The following DAB1 variants were observed in gnomAD, a reference collection of about 807,000 sequenced individuals.
DAB1 encodes the protein DAB adaptor protein 1, also known as disabled homolog 1.
DAB1 carries 15 observed loss-of-function variants against 64.6 expected under a neutral mutation model. The ratio of observed to expected loss-of-function variants is 0.23; its 90% CI spans 0.16 to 0.36. The LOEUF (loss-of-function observed/expected upper bound fraction) is 0.36. DAB1 is among the 10% of genes least tolerant of loss of function. The pLI is 1.00. For missense variants in DAB1, 596 were observed against 706.7 expected, an observed-to-expected ratio of 0.84 and a Z score of 1.78; for synonymous variants, 235 against 251.9, an observed-to-expected ratio of 0.93 and a Z score of 0.64.
intron 3 of DAB1, among the ~76,000 whole-genome samples, chr1:58,450,306 A>C (rs1645118320): frequency 6.6e-6 from 1 of 152,200 alleles, no homozygotes; most frequent in Non-Finnish European, 1.5e-5. Context: ...AGGTGACCTG[A>C]AATCTAGAAC....
At chr1:57,766,870 C>T (rs1649337318) in intron 6 of DAB1, among the ~76,000 whole-genome samples, 1 of 141,444 alleles carries the variant, frequency 7.1e-6, no homozygotes, top group Non-Finnish European at 1.6e-5. Context: ...TTTTCAGGTT[C>T]AATAATTTGC....
intron 2 of DAB1, among the ~76,000 whole-genome samples, chr1:57,283,907 C>T (rs1672110009): frequency 6.6e-6 from 1 of 152,176 alleles, no homozygotes; most frequent in Non-Finnish European, 1.5e-5. Flanking sequence ...CTGTGGCCTG[C>T]CACCAAACAT....
intron 2 of DAB1, among the ~76,000 whole-genome samples, chr1:57,159,777 T>C (rs1215717616): frequency 6.9e-6 from 1 of 145,808 alleles, no homozygotes; most frequent in Non-Finnish European, 1.5e-5. Flanking sequence ...CTCCCAGCAA[T>C]TTTTCCAGAC....
At chr1:58,105,692 A>T (rs962020970) in intron 5 of DAB1, among the ~76,000 whole-genome samples, 2 of 152,336 alleles carry the variant, frequency 1.3e-5, no homozygotes, top group Admixed American at 6.5e-5. Flanking sequence ...GTGTTTCATC[A>T]AATGCTGACT....
intron 3 of DAB1, among the ~76,000 whole-genome samples, chr1:58,358,968 A>ACACACACACG (rs1644138312): frequency 6.8e-6 from 1 of 147,426 alleles, no homozygotes; most frequent in Non-Finnish European, 1.5e-5. Context: ...ACACACACAC[A>ACACACACACG]CACACACACT....
At chr1:57,941,698 G>C (rs1277129128) in intron 5 of DAB1, among the ~76,000 whole-genome samples, 1 of 152,124 alleles carries the variant, frequency 6.6e-6, no homozygotes, top group Non-Finnish European at 1.5e-5. Context: ...AGCCAGGCTT[G>C]GTGGTGGGTG....
intron 1 of DAB1, among the ~76,000 whole-genome samples, chr1:57,859,109 C>A (rs568137324): frequency 6.6e-6 from 1 of 152,130 alleles, no homozygotes; most frequent in Non-Finnish European, 1.5e-5. Flanking sequence ...CCCTAAGCAG[C>A]CGAGATGGCT....
chr1:57,277,690 A>T (rs1671575426), intron 2 of DAB1, among the ~76,000 whole-genome samples: 1 of 152,172 alleles, frequency 6.6e-6, no homozygotes, highest in Admixed American at 6.5e-5. Context: ...CATTTTCCCA[A>T]TGATAGGGGT....
chr1:58,435,386 G>GT lies in DAB1; in HGVS notation n.257+70673dup, dbSNP rs201830691. Among the ~76,000 whole-genome samples, 953 of 152,114 alleles carry GT rather than the reference G, an allele frequency of 6.3e-3. 12 individuals carry two copies. Among genetic ancestry groups the GT allele is most frequent in the African/African-American group, 0.022 (892 of 41,482 alleles). The stretch of plus-strand genomic sequence containing the variant: ...TACTCTATATGCTTTCCATGACCTT[G>GT]TTTTTCCCCCATGGTCGTAGCTACC... On this transcript the variant is annotated intron_variant and non_coding_transcript_variant, in intron 3 of 20. Transcript: ENST00000485760.
chr1:57,877,132 G>A (rs1644060471), intron 1 of DAB1, among the ~76,000 whole-genome samples: 1 of 152,088 alleles, frequency 6.6e-6, no homozygotes, highest in Non-Finnish European at 1.5e-5. Context: ...TATAAGGAAG[G>A]TATTATTTCT....
chr1:57,522,713 A>T (rs1644543150), intron 7 of DAB1, among the ~76,000 whole-genome samples: 1 of 152,200 alleles, frequency 6.6e-6, no homozygotes, highest in South Asian at 2.1e-4. Context: ...AGCTGTTGCC[A>T]AAGGAGATTA....
chr1:57,269,185 T>TC (rs1558058502), intron 2 of DAB1, among the ~76,000 whole-genome samples: 1 of 152,006 alleles, frequency 6.6e-6, no homozygotes, highest in East Asian at 1.9e-4. Flanking sequence ...CACCAGCACC[T>TC]CCCATTTGTT....
chr1:57,274,910 C>A, intron 2 of DAB1, among the ~76,000 whole-genome samples: 1 of 133,662 alleles, frequency 7.5e-6, no homozygotes. Context: ...TTAATCTAAG[C>A]CATGGGCTTA....
intron 3 of DAB1, among the ~76,000 whole-genome samples, chr1:58,391,019 G>A (rs1467589409): frequency 6.6e-6 from 1 of 152,126 alleles, no homozygotes; most frequent in African/African-American, 2.4e-5. Flanking sequence ...GTAGGCAATC[G>A]CGGTCCCATC....
intron 3 of DAB1, among the ~76,000 whole-genome samples, chr1:58,472,287 C>T (rs951670955): frequency 6.6e-6 from 1 of 152,218 alleles, no homozygotes; most frequent in African/African-American, 2.4e-5. Flanking sequence ...GACTGTTAGC[C>T]TCAGTCCTGA....
chr1:57,198,649 T>TCTCTCTCTCA (rs1477522407), intron 2 of DAB1, among the ~76,000 whole-genome samples: 3 of 128,264 alleles, frequency 2.3e-5, no homozygotes, highest in Admixed American at 8.1e-5. Flanking sequence ...CTTCTCTCTC[T>TCTCTCTCTCA]CACACACACA....
intron 7 of DAB1, among the ~76,000 whole-genome samples, chr1:57,578,945 G>T (rs529117394): frequency 6.6e-6 from 1 of 152,316 alleles, no homozygotes; most frequent in South Asian, 2.1e-4. Context: ...TGAATAATTT[G>T]CTATGAAAGG....
At chr1:58,020,433 G>GC (rs1646799737) in intron 5 of DAB1, among the ~76,000 whole-genome samples, 1 of 152,194 alleles carries the variant, frequency 6.6e-6, no homozygotes, top group Non-Finnish European at 1.5e-5. Context: ...ACAATAAGCT[G>GC]AAGACAGAGA....
chr1:58,495,391 C>T (rs893208125), intron 3 of DAB1, among the ~76,000 whole-genome samples: 4 of 152,106 alleles, frequency 2.6e-5, no homozygotes, highest in African/African-American at 9.7e-5. Context: ...GCATGTTGTG[C>T]ACATGTACCC....
Sources: gnomAD v4.1 joint callset for allele counts (sites outside exome capture counted in the v4.1 genomes callset) on GRCh38, gnomAD v4.1.1 for gene constraint, MANE v1.5 for transcripts, NCBI Gene and HGNC (gene_info 2026-07-23, HGNC 2026-07-21) for gene names.